CELF2: variants seen among roughly 807,000 people sequenced by gnomAD.
CELF2 encodes the protein CUGBP Elav-like family member 2.
A neutral mutation model predicts 62.6 loss-of-function variants in CELF2; 8 were observed. The observed-to-expected ratio is 0.13, with a 90% CI of 0.07 to 0.23. The LOEUF is 0.23. Ranked by LOEUF, CELF2 falls within the 10% of genes least tolerant of loss-of-function variation. CELF2 has a pLI of 1.00. For synonymous variants in CELF2, 258 were observed against 250.0 expected (o/e 1.03, Z -0.30); for missense variants, 333 against 671.0 (o/e 0.50, Z 5.56).
rs1257883856 is a variant in CELF2 at position 11,156,407 on chromosome 10, C to T, written c.75-9079C>T. On this transcript the variant is annotated intron_variant, in intron 1 of 12. Transcript: ENST00000633077. This position sits in a 1 kb window ranked among gnomAD's most constrained non-coding sequence, Gnocchi z 4.3. ...ATGTGCTGAGACCATCCTCACCGTC[C>T]AGACGAGGCCTTCCCTGACCACCTT... is the stretch of plus-strand genomic sequence containing the variant. Among the ~76,000 whole-genome samples, 1 of 152,150 alleles carries T rather than the reference C, an allele frequency of 6.6e-6. No individual in the cohort carries two copies. The highest frequency in any genetic ancestry group is 2.4e-5 in the African/African-American group (1 of 41,420).
intron 1 of CELF2, among the ~76,000 whole-genome samples, chr10:10,918,568 G>A (rs2064558735): frequency 6.6e-6 from 1 of 152,196 alleles, no homozygotes; most frequent in Admixed American, 6.5e-5. Context: ...TAAATAGGAA[G>A]AGGGAGTTCT....
chr10:10,825,196 T>G (rs188189878), intron 1 of CELF2, among the ~76,000 whole-genome samples: 74 of 152,146 alleles, frequency 4.9e-4, no homozygotes, highest in East Asian at 2.7e-3. Flanking sequence ...TGTTGTTGTT[T>G]TTTTGTTTTT....
intron 1 of CELF2, among the ~76,000 whole-genome samples, chr10:11,139,946 G>T (rs1255190672): frequency 6.6e-6 from 1 of 151,590 alleles, no homozygotes; most frequent in African/African-American, 2.4e-5. Flanking sequence ...CTGTTAATAT[G>T]GTAGAGTAAG....
At chr10:10,483,586 T>A in the CELF2 span, among the ~76,000 whole-genome samples, 2 of 152,170 alleles carry the variant, frequency 1.3e-5, no homozygotes, top group Non-Finnish European at 2.9e-5. Context: ...CTTAAGAAAA[T>A]TTTAAGATTG....
chr10:10,767,417 T>C, the CELF2 span, among the ~76,000 whole-genome samples: 20 of 152,148 alleles, frequency 1.3e-4, no homozygotes, highest in Non-Finnish European at 2.4e-4. Context: ...AAGAGCCTGA[T>C]ACCAATGCTC....
At position 11,012,256 on chromosome 10, in the gene CELF2, G is replaced by A. The variant is rs980134760; in HGVS notation, c.53+6816G>A. On this transcript the variant is annotated intron_variant, in intron 1 of 12. Coordinates refer to the CELF2 transcript ENST00000416382. The surrounding 1 kb of genome is among the most constrained non-coding windows in gnomAD (Gnocchi z 5.5). Reference sequence around the variant, plus strand: ...ATTCTGATCTGCATGTACTGGATCAGATATCTTCTGATCCTAGTGACCACG... The same window carrying A: ...ATTCTGATCTGCATGTACTGGATCAAATATCTTCTGATCCTAGTGACCACG... Among the ~76,000 whole-genome samples the A allele has an allele frequency of 1.3e-5, 2 of 152,210 alleles. No homozygotes were observed. The highest frequency in any genetic ancestry group is 4.8e-5 in the African/African-American group (2 of 41,456).
Position 11,217,251 on chromosome 10 carries a change from A to G in CELF2, c.272-174A>G, listed in dbSNP as rs1372187505. ...TGGGTAAAGCTAATAAATATGATTTAGGATGAAAAGGTACTGTGTAAATGC... is the reference window on the plus strand; with the variant it reads ...TGGGTAAAGCTAATAAATATGATTTGGGATGAAAAGGTACTGTGTAAATGC... On this transcript the variant is annotated intron_variant, in intron 2 of 12. Coordinates refer to ENST00000633077, the MANE Select transcript of CELF2 (RefSeq NM_001326342.2). The surrounding 1 kb of genome is among the most constrained non-coding windows in gnomAD (Gnocchi z 5.6). Among the ~76,000 whole-genome samples the G allele has an allele frequency of 6.6e-6, 1 of 152,250 alleles. No homozygotes were observed. Among genetic ancestry groups the G allele is most frequent in the Non-Finnish European group, 1.5e-5 (1 of 68,040 alleles).
the CELF2 span, among the ~76,000 whole-genome samples, chr10:10,607,117 C>T: frequency 6.6e-6 from 1 of 152,166 alleles, no homozygotes; most frequent in Admixed American, 6.5e-5. Flanking sequence ...TGACCAAGAG[C>T]AATTTTGTTT....
chr10:10,898,697 T>A (rs148262646), intron 1 of CELF2, among the ~76,000 whole-genome samples: 1 of 152,246 alleles, frequency 6.6e-6, no homozygotes, highest in East Asian at 1.9e-4. Flanking sequence ...CATCAATAAT[T>A]GATAGAATAA....
At chr10:10,724,666 AAAAAG>A in the CELF2 span, among the ~76,000 whole-genome samples, 5 of 149,896 alleles carry the variant, frequency 3.3e-5, no homozygotes, top group Non-Finnish European at 5.9e-5. Flanking sequence ...AAAAAAAAAA[AAAAAG>A]AAAAAAGAAA....
the CELF2 span, among the ~76,000 whole-genome samples, chr10:10,688,791 G>T: frequency 3.9e-5 from 6 of 152,100 alleles, no homozygotes; most frequent in East Asian, 1.2e-3. Context: ...CTTGAAGCCA[G>T]GAGTTTGAGG....
chr10:10,788,452 TC>T, the CELF2 span, among the ~76,000 whole-genome samples: 122 of 138,478 alleles, frequency 8.8e-4, no homozygotes, highest in African/African-American at 1.3e-3. Flanking sequence ...TTTCTTTCCA[TC>T]TTTTTTTTTT....
At chr10:10,579,846 TAC>T in the CELF2 span, among the ~76,000 whole-genome samples, 28 of 148,460 alleles carry the variant, frequency 1.9e-4, no homozygotes, top group Non-Finnish European at 3.1e-4. Flanking sequence ...TAAAAATAAA[TAC>T]ACACACACAC....
chr10:10,883,819 G>A (rs569282412), intron 1 of CELF2, among the ~76,000 whole-genome samples: 14 of 152,134 alleles, frequency 9.2e-5, no homozygotes, highest in East Asian at 3.9e-4. Context: ...AATATGTTTC[G>A]CTTCTGCTAC....
intron 1 of CELF2, among the ~76,000 whole-genome samples, chr10:11,121,828 A>G (rs549914042): frequency 6.6e-6 from 1 of 152,232 alleles, no homozygotes; most frequent in South Asian, 2.1e-4. Context: ...TTAATTCTGA[A>G]TACACGGAGC....
At chr10:11,057,898 G>T (rs1279838243) in intron 1 of CELF2, among the ~76,000 whole-genome samples, 1 of 152,128 alleles carries the variant, frequency 6.6e-6, no homozygotes, top group Admixed American at 6.5e-5. Context: ...ATTATATTTA[G>T]CAAGAGAAGT....
intron 2 of CELF2, among the ~76,000 whole-genome samples, chr10:11,213,973 G>T (rs2062617769): frequency 6.6e-6 from 1 of 152,186 alleles, no homozygotes; most frequent in African/African-American, 2.4e-5. Flanking sequence ...ATATTAAGCA[G>T]ACCTGCTTTT....
Position 10,887,020 on chromosome 10 carries a change from CA to C in CELF2, c.54-32941del, listed in dbSNP as rs1277256639. Among the ~76,000 whole-genome samples the C allele has an allele frequency of 5.8e-4, 88 of 152,156 alleles. 1 individual carries two copies. The highest frequency in any genetic ancestry group is 1.2e-4 in the Non-Finnish European group (8 of 68,020). On this transcript the variant is annotated intron_variant, in intron 1 of 13. Transcript: ENST00000636488. Reference sequence around the variant, plus strand: ...TCACAGCTTCCTGAATTTGCAGTTTCAAATGGCTGCCTTGGCAGTCTCTCAT... The same window carrying C: ...TCACAGCTTCCTGAATTTGCAGTTTCAATGGCTGCCTTGGCAGTCTCTCAT...
chr10:11,005,272 G>A, upstream of CELF2: 3 of 1,574,190 alleles, frequency 1.9e-6, no homozygotes, highest in Non-Finnish European at 2.6e-6. This position sits in a 1 kb window ranked among gnomAD's most constrained non-coding sequence, Gnocchi z 4.3. Flanking sequence ...GAGAGAGAGA[G>A]AGAGAGAGAG....
Sources: gnomAD v4.1 joint callset for allele counts (sites outside exome capture counted in the v4.1 genomes callset) on GRCh38, gnomAD v4.1.1 for gene constraint, Gnocchi (gnomAD v3.1) non-coding constraint, MANE v1.5 for transcripts, NCBI Gene and HGNC (gene_info 2026-07-23, HGNC 2026-07-21) for gene names.